The following CADM2 variants were observed in gnomAD, a reference collection of about 807,000 sequenced individuals.
The protein encoded by CADM2 is cell adhesion molecule 2.
In CADM2, 12 loss-of-function variants were observed where a neutral mutation model predicts 49.8. The ratio of observed to expected loss-of-function variants is 0.24; its 90% confidence interval spans 0.15 to 0.39. The LOEUF (loss-of-function observed/expected upper bound fraction) is 0.39. CADM2 is among the 10% of genes least tolerant of loss of function. The probability of loss-of-function intolerance (pLI) is 1.00; values close to 1 mark genes in which losing one functional copy is unlikely to be tolerated. For synonymous variants in CADM2, 214 were observed against 175.4 expected (o/e 1.22, Z -1.74); for missense variants, 378 against 492.3 (o/e 0.77, Z 2.20).
At chr3:85,358,936 G>T (rs959779020) in intron 1 of CADM2, among the ~76,000 whole-genome samples, 1 of 152,122 alleles carries the variant, frequency 6.6e-6, no homozygotes, top group African/African-American at 2.4e-5. Context: ...AAAATCAACT[G>T]CAGGTTAGCA....
chr3:85,119,942 C>A (rs558275334), intron 1 of CADM2, among the ~76,000 whole-genome samples: 2 of 152,066 alleles, frequency 1.3e-5, no homozygotes, highest in Non-Finnish European at 2.9e-5. Flanking sequence ...ATGCAGCTGA[C>A]AAAGGACTAG....
At chr3:85,235,984 T>G (rs979767111) in intron 1 of CADM2, among the ~76,000 whole-genome samples, 1 of 152,148 alleles carries the variant, frequency 6.6e-6, no homozygotes, top group Admixed American at 6.6e-5. Context: ...GCTCTGTAAC[T>G]ACATCAGACT....
intron 8 of CADM2, among the ~76,000 whole-genome samples, chr3:86,036,186 A>ATTTATT (rs1735132031): frequency 6.6e-6 from 1 of 152,114 alleles, no homozygotes; most frequent in African/African-American, 2.4e-5. Context: ...TTAATATATT[A>ATTTATT]AGTCTATGCC....
chr3:85,580,771 A>C (rs2062771145), intron 1 of CADM2, among the ~76,000 whole-genome samples: 1 of 152,120 alleles, frequency 6.6e-6, no homozygotes, highest in African/African-American at 2.4e-5. Flanking sequence ...CTATTACAAA[A>C]ACCTTGCAAA....
chr3:85,894,064 A>T (rs888384171), intron 5 of CADM2, among the ~76,000 whole-genome samples: 1 of 152,226 alleles, frequency 6.6e-6, no homozygotes, highest in African/African-American at 2.4e-5. Context: ...TTATTGCGGC[A>T]CTATTCACGA....
At chr3:85,874,230 G>GTCTA (rs1317267631) in intron 3 of CADM2, among the ~76,000 whole-genome samples, 3 of 152,072 alleles carry the variant, frequency 2.0e-5, no homozygotes, top group African/African-American at 7.2e-5. Flanking sequence ...GGCTGTAGAA[G>GTCTA]GTACAACTTC....
chr3:85,837,436 A>G (rs1257605576), intron 3 of CADM2, among the ~76,000 whole-genome samples: 1 of 151,654 alleles, frequency 6.6e-6, no homozygotes, highest in African/African-American at 2.4e-5. Flanking sequence ...AGTTCCAGAG[A>G]GATTTCGCAA....
chr3:85,652,927 G>A (rs2065096246), intron 1 of CADM2, among the ~76,000 whole-genome samples: 1 of 151,274 alleles, frequency 6.6e-6, no homozygotes, highest in African/African-American at 2.4e-5. Context: ...ACAGGTGCAT[G>A]CCACCACACC....
In CADM2 at chr3:86,013,131, G is replaced by GT. The variant is rs761340835; in HGVS notation, c.970+51485dup. 2.0e-5 allele frequency: 27 copies of GT among 1,337,604 alleles called. No individual in the cohort carries two copies. In the East Asian group the frequency reaches 3.0e-4, roughly 15 times the overall value. The allele number at this position is 1,337,604 out of a possible 1,614,324, so 82.9% of individuals were successfully genotyped here. Reference sequence around the variant, plus strand: ...TCTTACAGTCATTTGAACAAACCACGTAAGTAGACACAGAAAACGAATAAA... The same window carrying GT: ...TCTTACAGTCATTTGAACAAACCACGTTAAGTAGACACAGAAAACGAATAAA... On this transcript the variant is annotated intron_variant, in intron 8 of 9. Transcript: ENST00000383699.
intron 1 of CADM2, among the ~76,000 whole-genome samples, chr3:85,140,593 C>T (rs144057955): frequency 6.6e-6 from 1 of 152,310 alleles, no homozygotes; most frequent in East Asian, 1.9e-4. Flanking sequence ...AACATTATCT[C>T]ACTTAATTCC....
chr3:85,442,339 C>G (rs1274187746), intron 1 of CADM2, among the ~76,000 whole-genome samples: 1 of 151,914 alleles, frequency 6.6e-6, no homozygotes, highest in African/African-American at 2.4e-5. Flanking sequence ...ATAATTTACA[C>G]AAATGTATAC....
intron 1 of CADM2, among the ~76,000 whole-genome samples, chr3:85,354,216 C>A (rs2031621570): frequency 6.6e-6 from 1 of 151,478 alleles, no homozygotes; most frequent in African/African-American, 2.4e-5. Context: ...TTAGAAAATT[C>A]TTGATTTATA....
intron 1 of CADM2, among the ~76,000 whole-genome samples, chr3:85,545,892 TA>T: frequency 6.6e-6 from 1 of 152,326 alleles, no homozygotes; most frequent in South Asian, 2.1e-4. Context: ...ACCAGAGATC[TA>T]AATTTTGGTA....
intron 1 of CADM2, among the ~76,000 whole-genome samples, chr3:85,116,777 T>C (rs1046660285): frequency 1.2e-4 from 19 of 152,268 alleles, no homozygotes; most frequent in Middle Eastern, 3.4e-3. Context: ...AAGAAGTATA[T>C]TTAAAATTTT....
intron 1 of CADM2, among the ~76,000 whole-genome samples, chr3:85,241,950 G>T (rs897781230): frequency 6.6e-6 from 1 of 151,386 alleles, no homozygotes; most frequent in Non-Finnish European, 1.5e-5. Context: ...TTTGAGAGTC[G>T]TGTGAAGGGT....
intron 5 of CADM2, among the ~76,000 whole-genome samples, chr3:85,892,982 G>T (rs1714672193): frequency 6.6e-6 from 1 of 152,162 alleles, no homozygotes; most frequent in Non-Finnish European, 1.5e-5. Context: ...GGACAACAAA[G>T]TTCAGCCTCA....
chr3:85,716,312 A>G (rs1017063164), intron 1 of CADM2, among the ~76,000 whole-genome samples: 16 of 152,148 alleles, frequency 1.1e-4, no homozygotes, highest in African/African-American at 3.6e-4. Context: ...CTTTGGAGAA[A>G]TGTCTGTTCA....
intron 1 of CADM2, among the ~76,000 whole-genome samples, chr3:85,222,582 A>G (rs1357303287): frequency 2.6e-5 from 4 of 152,174 alleles, no homozygotes; most frequent in Admixed American, 2.6e-4. Context: ...ATAATCTGTA[A>G]CATGTGTAAT....
chr3:85,500,618 C>T (rs771607998), intron 1 of CADM2, among the ~76,000 whole-genome samples: 1 of 151,500 alleles, frequency 6.6e-6, no homozygotes, highest in Non-Finnish European at 1.5e-5. Flanking sequence ...CCAGGGTTCA[C>T]GTCATTCTCC....
Sources: allele counts gnomAD v4.1 joint callset (sites outside exome capture counted in the v4.1 genomes callset), GRCh38; gene constraint gnomAD v4.1.1; transcripts MANE v1.5; gene names NCBI Gene and HGNC (gene_info 2026-07-23, HGNC 2026-07-21).